LSP1: variants seen among roughly 807,000 people sequenced by gnomAD.
LSP1 encodes the protein lymphocyte specific protein 1, also known as lymphocyte-specific protein 1.
In LSP1, 32 loss-of-function variants were observed where a neutral mutation model predicts 49.3. The observed-to-expected ratio is 0.65, with a 90% CI of 0.49 to 0.87. LSP1 has a LOEUF of 0.87. LSP1 is among the 40% of genes least tolerant of loss of function. The pLI, the probability that LSP1 is intolerant of heterozygous loss-of-function variation, is 0.00. For missense variants in LSP1, 428 were observed against 442.6 expected (o/e 0.97, Z 0.30); for synonymous variants, 179 against 178.8 (o/e 1.00, Z -0.01).
intron 1 of LSP1, chr11:1,870,575 T>C: frequency 8.8e-7 from 1 of 1,134,134 alleles, no homozygotes; most frequent in Non-Finnish European, 1.1e-6. Flanking sequence ...GGTAGGAAGA[T>C]CCCGGTGCTG....
chr11:1,878,164 C>A (rs1293996682), intron 1 of LSP1, among the ~76,000 whole-genome samples: 1 of 152,122 alleles, frequency 6.6e-6, no homozygotes, highest in African/African-American at 2.4e-5. Flanking sequence ...GACATGGGAA[C>A]ACGGGGAGCA....
intron 1 of LSP1, chr11:1,870,080 T>C (rs909192706): frequency 6.6e-6 from 3 of 454,544 alleles, no homozygotes; most frequent in Middle Eastern, 1.1e-3. Context: ...CTGGCGACCA[T>C]TGTGAGGACG....
intron 10 of LSP1, chr11:1,889,750 A>G: frequency 1.5e-6 from 1 of 654,402 alleles, no homozygotes; most frequent in Non-Finnish European, 2.8e-6. Flanking sequence ...TGCGGTGAGG[A>G]CTCCAGCGAG....
At chr11:1,857,608 G>A (rs1269843293) in intron 1 of LSP1, among the ~76,000 whole-genome samples, 1 of 152,184 alleles carries the variant, frequency 6.6e-6, no homozygotes, top group Non-Finnish European at 1.5e-5. Context: ...AAGGCCCCAG[G>A]GCTGGCCTTG....
intron 2 of LSP1, 74 bp from the exon 3 acceptor site, chr11:1,881,358 C>G: frequency 7.1e-7 from 1 of 1,416,190 alleles, no homozygotes. Flanking sequence ...GAGCGGGCGC[C>G]GTGAGGTGAG....
chr11:1,889,919 C>T, intron 10 of LSP1: 1 of 627,710 alleles, frequency 1.6e-6, no homozygotes, highest in Non-Finnish European at 2.9e-6. Context: ...CCACTGGGAC[C>T]AGGGGCTGGG....
intron 1 of LSP1, among the ~76,000 whole-genome samples, chr11:1,861,451 G>A (rs1027088603): frequency 1.3e-5 from 2 of 152,346 alleles, no homozygotes; most frequent in East Asian, 3.9e-4. Flanking sequence ...TGGAAGGATG[G>A]AGAGACAGAT....
Position 1,886,859 on chromosome 11 carries a change from C to A in LSP1, c.845C>A (p.Ser282Tyr), listed in dbSNP as rs1224210148. The A allele has an allele frequency of 4.3e-6, 7 of 1,611,182 alleles. No homozygotes were observed. The African/African-American group carries it at 9.4e-5, about 22-fold the overall frequency. ...GCTCAGTCTGCGGCCAAGACTCCGT[C>A]CTGCAAGGTAAGGTCCCCTCCAGGG... ...VQAQSAAKTP[S>Y]CKDIVAGDMS... is the part of the protein sequence containing the mutation. The change falls in exon 8 of 11, where the codon TCC becomes TAC. Residue 282 changes from serine (S) to tyrosine (Y), a missense_variant. Transcript: ENST00000311604.
intron 1 of LSP1, among the ~76,000 whole-genome samples, chr11:1,855,632 C>T (rs940158794): frequency 1.3e-5 from 2 of 152,252 alleles, no homozygotes; most frequent in African/African-American, 2.4e-5. Context: ...TCCCCTGACC[C>T]TGGGCGGGGT....
At chr11:1,881,776 C>T (rs986327595) in intron 3 of LSP1, among the ~76,000 whole-genome samples, 180 bp downstream of exon 3, 3 of 152,118 alleles carry the variant, frequency 2.0e-5, no homozygotes, top group African/African-American at 4.8e-5. Context: ...CCCCATCCTC[C>T]CCTTTCCAAG....
chr11:1,879,892 C>T (rs1163603186), intron 1 of LSP1, among the ~76,000 whole-genome samples, 195 bp from the exon 2 acceptor site: 6 of 152,110 alleles, frequency 3.9e-5, no homozygotes, highest in Non-Finnish European at 8.8e-5. Context: ...GGCCAGAGGG[C>T]ACCTCATGAC....
intron 1 of LSP1, among the ~76,000 whole-genome samples, chr11:1,860,204 A>G (rs566977952): frequency 6.6e-6 from 1 of 152,226 alleles, no homozygotes; most frequent in Non-Finnish European, 1.5e-5. Flanking sequence ...GTATGAATGA[A>G]TGGAAAGATG....
In LSP1 at chr11:1,883,464, C is replaced by T. The variant is rs553745622; in HGVS notation, c.402C>T (p.His134=). 1.9e-6 allele frequency: 3 copies of T among 1,614,114 alleles called. No homozygotes were observed. The highest frequency in any genetic ancestry group is 2.2e-5 in the South Asian group (2 of 91,092). Residue 134 remains histidine (H), a synonymous_variant, in exon 4 of 11, where the codon CAC becomes CAT. Coordinates refer to ENST00000311604, the MANE Select transcript of LSP1 (RefSeq NM_002339.3). ...AAAAGGAGGACAGTGATGAAGTCCA[C>T]CTGGAGGAGTTGAGTCTGAGCAAGG... ...AYEKEDSDEV[H]LEELSLSKEG...
At position 1,887,553 on chromosome 11, in the gene LSP1, C is replaced by G. The variant is rs761235196; in HGVS notation, c.1010C>G (p.Pro337Arg). Residue 337 changes from proline to arginine, a missense_variant, in exon 10 of 11, where the codon CCG becomes CGG. Coordinates refer to ENST00000311604, the MANE Select transcript of LSP1 (RefSeq NM_002339.3). ...GAGAAGGTGCTTGTGGAAGGGGGCC[C>G]GGCTCCCTAGGCGTCCCATCTCGGT... ...KYEKVLVEGG[P>R]AP is the part of the protein sequence containing the mutation. 6.2e-7 allele frequency: 1 copy of G among 1,613,634 alleles called. No homozygotes were observed. Among genetic ancestry groups the G allele is most frequent in the Non-Finnish European group, 8.5e-7 (1 of 1,179,832 alleles).
At chr11:1,867,451 C>A (rs1271652508) in intron 1 of LSP1, among the ~76,000 whole-genome samples, 6 of 151,544 alleles carry the variant, frequency 4.0e-5, no homozygotes, top group African/African-American at 1.5e-4. Context: ...GCTCGGACTT[C>A]CCCAGTCCCA....
At chr11:1,857,698 A>G (rs1730752569) in intron 1 of LSP1, among the ~76,000 whole-genome samples, 1 of 152,148 alleles carries the variant, frequency 6.6e-6, no homozygotes, top group South Asian at 2.1e-4. Flanking sequence ...CCCCATCTGC[A>G]CACTCAGAAT....
intron 1 of LSP1, chr11:1,869,798 C>T (rs990532241): frequency 1.3e-5 from 4 of 317,982 alleles, no homozygotes; most frequent in African/African-American, 2.3e-4. Context: ...GAGGAGGGGG[C>T]GTGGGGGGGG....
At chr11:1,875,074 C>A (rs771799751) in intron 1 of LSP1, among the ~76,000 whole-genome samples, 1 of 148,946 alleles carries the variant, frequency 6.7e-6, no homozygotes, top group Non-Finnish European at 1.5e-5. Flanking sequence ...GGTCCCAGCT[C>A]GGCCATGGGG....
At chr11:1,854,627 G>C (rs949703628) in intron 1 of LSP1, among the ~76,000 whole-genome samples, 6 of 152,168 alleles carry the variant, frequency 3.9e-5, no homozygotes, top group Non-Finnish European at 2.9e-5. Flanking sequence ...AGCAGAGGCC[G>C]GGGCTGGCTG....
Sources: allele counts gnomAD v4.1 joint callset (sites outside exome capture counted in the v4.1 genomes callset), GRCh38; gene constraint gnomAD v4.1.1; transcripts MANE v1.5; gene names NCBI Gene and HGNC (gene_info 2026-07-23, HGNC 2026-07-21).